The following PEAK1 variants were observed in gnomAD, a reference collection of about 807,000 sequenced individuals.
The protein encoded by PEAK1 is inactive tyrosine-protein kinase PEAK1.
In PEAK1, 54 loss-of-function variants were observed where a neutral mutation model predicts 124.7. The ratio of observed to expected loss-of-function variants is 0.43; its 90% confidence interval spans 0.35 to 0.54. The LOEUF is 0.54. Ranked by LOEUF, PEAK1 falls within the 20% of genes least tolerant of loss-of-function variation. The pLI, the probability that PEAK1 is intolerant of heterozygous loss-of-function variation, is 0.01. For missense variants in PEAK1, 2,046 were observed against 2,134.5 expected (o/e 0.96, Z 0.82); for synonymous variants, 719 against 760.0 (o/e 0.95, Z 0.89).
chr15:77,337,247 C>T (rs2066259481), intron 2 of PEAK1: 2 of 984,366 alleles, frequency 2.0e-6, no homozygotes, highest in African/African-American at 1.8e-5. Context: ...CATGAAAGCT[C>T]CACTAGGGAA....
chr15:77,398,224 G>A (rs1420335653), intron 1 of PEAK1, among the ~76,000 whole-genome samples: 1 of 152,108 alleles, frequency 6.6e-6, no homozygotes, highest in African/African-American at 2.4e-5. Context: ...CTGAAAGATA[G>A]AGGAGGAGGA....
chr15:77,266,062 T>G (rs1324215706), intron 5 of PEAK1, among the ~76,000 whole-genome samples: 19 of 143,850 alleles, frequency 1.3e-4, no homozygotes, highest in African/African-American at 3.9e-4. Context: ...TGAGAACACA[T>G]GGACACAGGA....
At chr15:77,239,085 T>C (rs79045320) in intron 6 of PEAK1, among the ~76,000 whole-genome samples, 1 of 152,202 alleles carries the variant, frequency 6.6e-6, no homozygotes, top group Non-Finnish European at 1.5e-5. Context: ...TAGGAATGTG[T>C]AGTAGCAAGG....
intron 9 of PEAK1, among the ~76,000 whole-genome samples, chr15:77,130,438 G>A (rs1032006089): frequency 1.3e-5 from 2 of 152,162 alleles, no homozygotes; most frequent in African/African-American, 4.8e-5. Context: ...AGTGTGAGCT[G>A]GAGCACAGGG....
intron 1 of PEAK1, among the ~76,000 whole-genome samples, chr15:77,388,053 C>T (rs2070106557): frequency 6.6e-6 from 1 of 151,972 alleles, no homozygotes; most frequent in Admixed American, 6.6e-5. Context: ...ATTAGCTGGG[C>T]GTGGTGGTGT....
chr15:77,279,096 CGTGTGTGCGTGTGTGT>C (rs924060571), intron 5 of PEAK1, among the ~76,000 whole-genome samples: 10 of 109,986 alleles, frequency 9.1e-5, no homozygotes, highest in Admixed American at 3.7e-4. Context: ...CCAAGGTGCT[CGTGTGTGCGTGTGTGT>C]GTGTGTGTGT....
At position 77,133,069 on chromosome 15, in the gene PEAK1, G is replaced by A. The variant is rs767345921; in HGVS notation, c.4013C>T (p.Ala1338Val). The change falls in exon 9 of 10, where the codon GCA becomes GTA. Residue 1338 changes from alanine (A) to valine (V), a missense_variant. Ala to Val is a moderately conservative substitution (Grantham distance 64). Coordinates refer to ENST00000682557, the MANE Select transcript of PEAK1 (RefSeq NM_001385026.1). This position sits in a 1 kb window ranked among gnomAD's most constrained non-coding sequence, Gnocchi z 4.2. ...AGCAGTATAGTAAACCGCATCACCT[G>A]CCTCACAACATGGTTTGTCACTGGT... The part of the protein sequence containing the change: ...RLTSDKPCCE[A>V]GDAVYYTASY... 1 of 1,614,162 alleles carries A rather than the reference G, an allele frequency of 6.2e-7. No individual in the cohort carries two copies. Among genetic ancestry groups the A allele is most frequent in the East Asian group, 2.2e-5 (1 of 44,876 alleles).
chr15:77,410,895 C>A (rs1442121182), intron 1 of PEAK1, among the ~76,000 whole-genome samples: 1 of 152,148 alleles, frequency 6.6e-6, no homozygotes, highest in Non-Finnish European at 1.5e-5. Flanking sequence ...TGAAGAGTGA[C>A]TGACACTTAA....
intron 8 of PEAK1, chr15:77,157,707 C>T (rs900896821): frequency 1.3e-5 from 2 of 152,036 alleles, no homozygotes; most frequent in Non-Finnish European, 2.9e-5. Context: ...TTACATTATC[C>T]AATCTTGTGT....
intron 8 of PEAK1, among the ~76,000 whole-genome samples, chr15:77,136,900 G>A (rs1441969050): frequency 2.0e-5 from 3 of 152,196 alleles, no homozygotes; most frequent in Non-Finnish European, 4.4e-5. Flanking sequence ...TCAGAGGCCC[G>A]AAGGCCTAGG....
intron 6 of PEAK1, among the ~76,000 whole-genome samples, chr15:77,210,050 C>T (rs2152860616): frequency 6.6e-6 from 1 of 152,250 alleles, no homozygotes; most frequent in East Asian, 1.9e-4. Context: ...TTAGTTTCCT[C>T]ATCTATCAAA....
At chr15:77,288,542 G>C (rs2063042891) in intron 2 of PEAK1, among the ~76,000 whole-genome samples, 1 of 152,198 alleles carries the variant, frequency 6.6e-6, no homozygotes, top group Non-Finnish European at 1.5e-5. Flanking sequence ...CATAAAACCA[G>C]TGAGAAGGGA....
At chr15:77,251,418 G>A (rs1239956662) in intron 6 of PEAK1, among the ~76,000 whole-genome samples, 2 of 151,784 alleles carry the variant, frequency 1.3e-5, no homozygotes, top group Non-Finnish European at 2.9e-5. Context: ...CAATTCTTTC[G>A]AAATGATTTT....
intron 2 of PEAK1, among the ~76,000 whole-genome samples, chr15:77,324,046 T>A (rs867646488): frequency 6.6e-6 from 1 of 152,238 alleles, no homozygotes; most frequent in East Asian, 1.9e-4. Flanking sequence ...GGATTCCCTA[T>A]TTAACAAAGT....
intron 2 of PEAK1, among the ~76,000 whole-genome samples, chr15:77,299,082 C>T (rs2063658091): frequency 6.6e-6 from 1 of 152,162 alleles, no homozygotes; most frequent in Admixed American, 6.5e-5. Flanking sequence ...CAAATCTCAC[C>T]CAATATAAAG....
chr15:77,195,879 A>C (rs1471251489), intron 6 of PEAK1, among the ~76,000 whole-genome samples: 2 of 152,212 alleles, frequency 1.3e-5, no homozygotes, highest in Non-Finnish European at 2.9e-5. Context: ...ATGAGTGCCC[A>C]CGGAAGGTGC....
At chr15:77,244,247 T>G (rs2060480753) in intron 6 of PEAK1, among the ~76,000 whole-genome samples, 1 of 152,170 alleles carries the variant, frequency 6.6e-6, no homozygotes, top group Non-Finnish European at 1.5e-5. Context: ...GGAAACCACA[T>G]CAGGTTGTTT....
At chr15:77,284,530 G>A (rs902594488) in intron 4 of PEAK1, among the ~76,000 whole-genome samples, 3 of 152,140 alleles carry the variant, frequency 2.0e-5, no homozygotes, top group Non-Finnish European at 4.4e-5. Context: ...ATCATATGTT[G>A]CTGTTCACTA....
chr15:77,364,765 T>C (rs970430920), intron 2 of PEAK1, among the ~76,000 whole-genome samples: 2 of 152,046 alleles, frequency 1.3e-5, no homozygotes, highest in African/African-American at 4.8e-5. Flanking sequence ...TCCAAGAGAG[T>C]AGAGTGGTAG....
Sources: allele counts gnomAD v4.1 joint callset (sites outside exome capture counted in the v4.1 genomes callset), GRCh38; gene constraint gnomAD v4.1.1; non-coding constraint Gnocchi (gnomAD v3.1); transcripts MANE v1.5; gene names NCBI Gene and HGNC (gene_info 2026-07-23, HGNC 2026-07-21).